The following LAMA2 variants were observed in gnomAD, a reference collection of about 807,000 sequenced individuals.
The protein encoded by LAMA2 is laminin subunit alpha 2, also known as laminin subunit alpha-2.
Under a neutral mutation model 364.8 loss-of-function variants are expected in LAMA2, and 269 were observed. The observed-to-expected ratio is 0.74, with a 90% CI of 0.67 to 0.82. The LOEUF is 0.82. LAMA2 is among the 40% of genes least tolerant of loss of function. The pLI is 0.00. For missense variants in LAMA2, 3,807 were observed against 3,873.2 expected (o/e 0.98, Z 0.45); for synonymous variants, 1,379 against 1,370.6 (o/e 1.01, Z -0.14).
At chr6:129,275,028 A>G (rs1788206660) in intron 17 of LAMA2, among the ~76,000 whole-genome samples, 1 of 152,002 alleles carries the variant, frequency 6.6e-6, no homozygotes, top group Non-Finnish European at 1.5e-5. Flanking sequence ...ATATCACTGT[A>G]AATACTACTG....
chr6:129,373,191 T>G (rs763369253), intron 34 of LAMA2, among the ~76,000 whole-genome samples: 1 of 152,194 alleles, frequency 6.6e-6, no homozygotes. Context: ...TGGTGTTGTA[T>G]CTAAAGACTC....
At chr6:129,017,132 A>G (rs78079213) in intron 1 of LAMA2, among the ~76,000 whole-genome samples, 3,183 of 152,100 alleles carry the variant, frequency 0.021, 114 homozygotes, top group African/African-American at 0.072. Context: ...ATTAAAATAA[A>G]ACTCTTTTCT....
At chr6:129,097,677 T>C (rs1470401222) in intron 3 of LAMA2, among the ~76,000 whole-genome samples, 2 of 152,214 alleles carry the variant, frequency 1.3e-5, no homozygotes, top group Admixed American at 6.5e-5. Flanking sequence ...AATCTGAACA[T>C]AGGAATGTGT....
intron 41 of LAMA2, among the ~76,000 whole-genome samples, chr6:129,435,642 T>C (rs1781796358): frequency 6.6e-6 from 1 of 152,210 alleles, no homozygotes. Flanking sequence ...TGGCTTGGAA[T>C]TTAACAACAG....
rs113998816 is a variant in LAMA2, at chr6:129,382,461, C to T, written c.4960-661C>T. Among the ~76,000 whole-genome samples, 846 of 152,152 alleles carry T rather than the reference C, an allele frequency of 5.6e-3. 8 individuals are homozygous for T. The highest frequency in any genetic ancestry group is 0.019 in the African/African-American group (806 of 41,520). On this transcript the variant is annotated intron_variant, in intron 34 of 64. Transcript: ENST00000421865. ...TGAGAATACTCTTTGGGAGGTGGGGCTGTTTTGGGGTTCTGTTTTACTTTG... is the reference window on the plus strand; with the variant it reads ...TGAGAATACTCTTTGGGAGGTGGGGTTGTTTTGGGGTTCTGTTTTACTTTG...
intron 39 of LAMA2, among the ~76,000 whole-genome samples, chr6:129,403,141 A>T (rs975458290): frequency 4.6e-5 from 7 of 152,230 alleles, no homozygotes; most frequent in African/African-American, 1.7e-4. Context: ...TATTAGCCCC[A>T]AGAATAATTT....
At chr6:129,054,516 C>T (rs1196454486) in intron 2 of LAMA2, among the ~76,000 whole-genome samples, 2 of 151,536 alleles carry the variant, frequency 1.3e-5, no homozygotes, top group Non-Finnish European at 2.9e-5. Flanking sequence ...GGAGGAGGTG[C>T]GAGTGTGTAG....
At chr6:129,485,927 T>C (rs1284694687) in intron 55 of LAMA2, among the ~76,000 whole-genome samples, 1 of 152,196 alleles carries the variant, frequency 6.6e-6, no homozygotes, top group Admixed American at 6.5e-5. Context: ...ACCACACTGG[T>C]TGCTATAGTA....
Position 129,297,814 on chromosome 6 carries a change from T to G in LAMA2, c.2986T>G (p.Cys996Gly). 8 of 1,613,954 alleles carry G rather than the reference T, an allele frequency of 5.0e-6. No individual in the cohort carries two copies. Among genetic ancestry groups the G allele is most frequent in the Non-Finnish European group, 6.8e-6 (8 of 1,179,950 alleles). Residue 996 changes from cysteine (C) to glycine (G), a missense_variant, in exon 21 of 65, where the codon TGT (cysteine) becomes GGT (glycine). This residue lies in a region of LAMA2 where 3,333 missense variants were observed against 3,345.7 expected (regional missense o/e 1.00). Coordinates refer to ENST00000421865, the MANE Select transcript of LAMA2 (RefSeq NM_000426.4). ...CCAACCTGGAGTCACAGGGAAGAAA[T>G]GTGACCGCTGTGCCCACGGCTATTT... Reference protein sequence around the residue: ...WCQPGVTGKKCDRCAHGYFNF... With the variant: ...WCQPGVTGKKGDRCAHGYFNF...
At chr6:129,391,337 T>C (rs1377652738) in intron 35 of LAMA2, among the ~76,000 whole-genome samples, 154 bp from the exon 36 acceptor site, 3 of 152,222 alleles carry the variant, frequency 2.0e-5, no homozygotes, top group African/African-American at 7.2e-5. Context: ...TTGTTACTGA[T>C]TGTTGTCTTA....
chr6:128,990,592 C>T (rs12204632), intron 1 of LAMA2, among the ~76,000 whole-genome samples: 22,510 of 151,974 alleles, frequency 0.15, 1,885 homozygotes, highest in African/African-American at 0.2. Context: ...TGTAGTTAGG[C>T]GATTAAATAT....
At chr6:128,965,463 T>A (rs1781780034) in intron 1 of LAMA2, among the ~76,000 whole-genome samples, 1 of 152,100 alleles carries the variant, frequency 6.6e-6, no homozygotes, top group Non-Finnish European at 1.5e-5. Context: ...TTTGATAACA[T>A]GAACTATCTT....
intron 4 of LAMA2, among the ~76,000 whole-genome samples, chr6:129,132,376 C>T (rs573115343): frequency 6.6e-6 from 1 of 152,192 alleles, no homozygotes; most frequent in Admixed American, 6.5e-5. Context: ...CTGTGTTAGC[C>T]AGGATGGTCT....
At chr6:129,265,450 C>T (rs548732360) in intron 15 of LAMA2, among the ~76,000 whole-genome samples, 20 of 152,256 alleles carry the variant, frequency 1.3e-4, no homozygotes, top group African/African-American at 4.8e-4. Context: ...TTAGTTCTCT[C>T]CCTTTTCTCA....
intron 1 of LAMA2, among the ~76,000 whole-genome samples, chr6:128,919,448 A>G (rs959602118): frequency 6.6e-6 from 1 of 152,220 alleles, no homozygotes; most frequent in Middle Eastern, 3.2e-3. Context: ...AATCAATCCT[A>G]GTTCCTTAAA....
intron 1 of LAMA2, among the ~76,000 whole-genome samples, chr6:128,907,013 G>A (rs1171327320): frequency 6.6e-6 from 1 of 150,438 alleles, no homozygotes; most frequent in Non-Finnish European, 1.5e-5. Flanking sequence ...TTTGGTACCA[G>A]TACCATGCTG....
chr6:129,196,442 C>T (rs912785742), intron 12 of LAMA2, among the ~76,000 whole-genome samples: 2 of 152,110 alleles, frequency 1.3e-5, no homozygotes, highest in Admixed American at 6.6e-5. Flanking sequence ...AAACAAAACT[C>T]TAAGAAATTG....
intron 3 of LAMA2, among the ~76,000 whole-genome samples, chr6:129,064,305 C>T (rs1789138033): frequency 6.7e-6 from 1 of 149,702 alleles, no homozygotes; most frequent in South Asian, 2.1e-4. Flanking sequence ...TAATAAATAC[C>T]TACGTCAAAA....
intron 3 of LAMA2, among the ~76,000 whole-genome samples, chr6:129,080,499 G>T (rs1368506585): frequency 6.6e-6 from 1 of 152,146 alleles, no homozygotes; most frequent in Non-Finnish European, 1.5e-5. Flanking sequence ...AACCTGAAAT[G>T]CTGGGTTGAT....
Sources: allele counts gnomAD v4.1 joint callset (sites outside exome capture counted in the v4.1 genomes callset), GRCh38; gene constraint gnomAD v4.1.1; regional missense constraint gnomAD v4.1.1; transcripts MANE v1.5; gene names NCBI Gene and HGNC (gene_info 2026-07-23, HGNC 2026-07-21).